The following PDE1C variants were observed in gnomAD, a reference collection of about 807,000 sequenced individuals.
PDE1C encodes phosphodiesterase 1C.
In PDE1C, 62 loss-of-function variants were observed where a neutral mutation model predicts 93.1. That is an observed-to-expected ratio of 0.67 (90% CI 0.54 to 0.82). The LOEUF (loss-of-function observed/expected upper bound fraction) is 0.82. PDE1C is among the 40% of genes least tolerant of loss of function. The probability of loss-of-function intolerance (pLI) is 0.00; values close to 1 mark genes in which losing one functional copy is unlikely to be tolerated. For missense variants in PDE1C, 742 were observed against 884.6 expected, an observed-to-expected ratio of 0.84 and a Z score of 2.04; for synonymous variants, 325 against 310.1, an observed-to-expected ratio of 1.05 and a Z score of -0.50.
chr7:32,420,863 T>C (rs541648265), intron 1 of PDE1C, among the ~76,000 whole-genome samples: 1 of 152,134 alleles, frequency 6.6e-6, no homozygotes, highest in Admixed American at 6.6e-5. Context: ...CATGGCTCAA[T>C]GTGAGAGTCC....
chr7:32,382,167 A>G (rs1488702864), intron 1 of PDE1C, among the ~76,000 whole-genome samples: 1 of 152,030 alleles, frequency 6.6e-6, no homozygotes, highest in African/African-American at 2.4e-5. Context: ...CTTAACCACT[A>G]CAATCCACCT....
At position 32,387,578 on chromosome 7, in the gene PDE1C, C is replaced by T. The variant is rs867355238; in HGVS notation, c.310+40244G>A. ...GTCCTCACTTCCCAGTAGGGGCGGC[C>T]GGGCAGAGGCGCCCCTCACCTCCCG... On this transcript the variant is annotated intron_variant, in intron 1 of 1. Transcript: ENST00000672256. 6.6e-3 allele frequency among the ~76,000 whole-genome samples: 967 copies of T among 147,456 alleles called. 2 individuals carry two copies. The highest frequency in any genetic ancestry group is 0.023 in the African/African-American group (917 of 39,398).
At chr7:31,652,488 T>G in the PDE1C span, 11 of 1,555,058 alleles carry the variant, frequency 7.1e-6, no homozygotes, top group Non-Finnish European at 9.6e-6. Context: ...GATGTGCTGT[T>G]TACTCTTTTT....
the PDE1C span, among the ~76,000 whole-genome samples, chr7:31,692,186 G>T: frequency 6.6e-6 from 1 of 152,242 alleles, no homozygotes; most frequent in Admixed American, 6.5e-5. Context: ...TGACAATTAT[G>T]AATAAATCTG....
In PDE1C at chr7:31,846,266, C is replaced by G. The variant is rs562464441; in HGVS notation, c.980+1702G>C. Among the ~76,000 whole-genome samples the G allele has an allele frequency of 6.6e-5, 9 of 137,238 alleles. No homozygotes were observed. The South Asian group carries it at 1.8e-3, about 28-fold the overall frequency. 90.0% of individuals were successfully genotyped at this position (137,238 alleles called of 152,430 possible). A position where few individuals can be genotyped will look rare whatever the true frequency, so the allele number is the denominator to read the frequency against. On this transcript the variant is annotated intron_variant, in intron 9 of 17. Coordinates refer to ENST00000396191, the MANE Select transcript of PDE1C (RefSeq NM_001191057.4). The stretch of plus-strand genomic sequence containing the variant: ...TTTTTTTTTGAGACGGAGTCTCGCT[C>G]TGTCACCCAGGCTCTGTTCTGTCCA...
intron 2 of PDE1C, among the ~76,000 whole-genome samples, chr7:32,188,698 C>A (rs1300215208): frequency 6.6e-6 from 1 of 152,032 alleles, no homozygotes. Context: ...CAGAAGCCTA[C>A]CTTTCTTCTA....
chr7:32,009,930 T>C (rs1347113099), intron 2 of PDE1C, among the ~76,000 whole-genome samples: 1 of 152,152 alleles, frequency 6.6e-6, no homozygotes, highest in Non-Finnish European at 1.5e-5. Flanking sequence ...ATACCATCTA[T>C]AGTCATATAA....
intron 3 of PDE1C, among the ~76,000 whole-genome samples, chr7:32,119,303 G>A (rs912445558): frequency 2.0e-5 from 3 of 152,120 alleles, no homozygotes; most frequent in South Asian, 2.1e-4. Context: ...CCCAGGTTAC[G>A]CCAAGGTCTT....
intron 1 of PDE1C, among the ~76,000 whole-genome samples, chr7:32,313,945 A>C (rs937574713): frequency 6.6e-6 from 1 of 152,198 alleles, no homozygotes; most frequent in East Asian, 1.9e-4. Flanking sequence ...TAGGTACCCA[A>C]ATGTGAAACC....
At position 32,076,658 on chromosome 7, in the gene PDE1C, GA is replaced by G. The variant is rs1304247786; in HGVS notation, c.308+93126del. Among the ~76,000 whole-genome samples the G allele has an allele frequency of 5.9e-5, 7 of 117,780 alleles. No homozygotes were observed. In the East Asian group the frequency reaches 6.4e-4, roughly 11 times the overall value. 77.3% of individuals were successfully genotyped at this position (117,780 alleles called of 152,430 possible). ...ACTCCATCTCAAAAAAAAAAAAAAA[GA>G]AAAAAAGAAAAAAGAAAAAAAAATG... On this transcript the variant is annotated intron_variant, in intron 3 of 18. Coordinates refer to the PDE1C transcript ENST00000396193.
Position 32,285,767 on chromosome 7 carries a change from G to C in PDE1C, c.85+12884C>G, listed in dbSNP as rs1221141204. Among the ~76,000 whole-genome samples the C allele has an allele frequency of 2.9e-5, 4 of 136,144 alleles. No homozygotes were observed. In the East Asian group the frequency reaches 7.2e-4, roughly 25 times the overall value. The allele number at this position is 136,144 out of a possible 152,430, so 89.3% of individuals were successfully genotyped here. On this transcript the variant is annotated intron_variant, in intron 1 of 18. Transcript: ENST00000396193. ...GGGAGAAGAGAAGAGAGGGGGGAGA[G>C]AGGAAGGGAGTGGAGGGGAGGGGAG...
At chr7:31,915,625 G>C (rs1235239962) in intron 2 of PDE1C, among the ~76,000 whole-genome samples, 1 of 152,100 alleles carries the variant, frequency 6.6e-6, no homozygotes, top group Non-Finnish European at 1.5e-5. Flanking sequence ...CTGTGTCTTG[G>C]TTTTCTAACC....
intron 3 of PDE1C, among the ~76,000 whole-genome samples, chr7:32,076,885 A>G (rs1796386954): frequency 6.6e-6 from 1 of 151,778 alleles, no homozygotes; most frequent in Non-Finnish European, 1.5e-5. Flanking sequence ...ACTGACAACT[A>G]AAAGAATGCC....
At chr7:32,144,856 GTGT>G (rs1246780960) in intron 3 of PDE1C, among the ~76,000 whole-genome samples, 1 of 152,096 alleles carries the variant, frequency 6.6e-6, no homozygotes, top group Non-Finnish European at 1.5e-5. Context: ...TCATGGCTGG[GTGT>G]TGTTTGTGAA....
chr7:32,019,401 G>A (rs1382721758), intron 2 of PDE1C, among the ~76,000 whole-genome samples: 1 of 152,160 alleles, frequency 6.6e-6, no homozygotes, highest in Non-Finnish European at 1.5e-5. Flanking sequence ...GGTGCACACA[G>A]TGTTCACTGT....
At chr7:32,077,571 T>A (rs886635731) in intron 3 of PDE1C, among the ~76,000 whole-genome samples, 2 of 152,112 alleles carry the variant, frequency 1.3e-5, no homozygotes, top group African/African-American at 2.4e-5. Flanking sequence ...TAATTTATTT[T>A]ATTTATTTAT....
intron 1 of PDE1C, among the ~76,000 whole-genome samples, chr7:32,060,835 G>A (rs1794717628): frequency 6.6e-6 from 1 of 152,074 alleles, no homozygotes; most frequent in Admixed American, 6.5e-5. Flanking sequence ...TAATGAGCTA[G>A]GAAAGGCCTT....
chr7:31,670,072 A>T, the PDE1C span, among the ~76,000 whole-genome samples: 4 of 152,200 alleles, frequency 2.6e-5, no homozygotes, highest in African/African-American at 9.7e-5. Context: ...GAGCCAATCA[A>T]CCTTGAAAGT....
intron 2 of PDE1C, among the ~76,000 whole-genome samples, chr7:31,966,890 A>G (rs1247828064): frequency 6.6e-6 from 1 of 152,136 alleles, no homozygotes; most frequent in East Asian, 1.9e-4. Context: ...AGGCAGAAAT[A>G]AAGATGTTCT....
Sources: gnomAD v4.1 joint callset for allele counts (sites outside exome capture counted in the v4.1 genomes callset) on GRCh38, gnomAD v4.1.1 for gene constraint, MANE v1.5 for transcripts, NCBI Gene and HGNC (gene_info 2026-07-23, HGNC 2026-07-21) for gene names.